DCAF8L2: variants seen among roughly 807,000 people sequenced by gnomAD.
DCAF8L2 encodes the protein DDB1- and CUL4-associated factor 8-like protein 2.
For synonymous variants in DCAF8L2, 200 were observed against 190.9 expected (o/e 1.05, Z -0.39); for missense variants, 430 against 490.7 (o/e 0.88, Z 1.17).
the DCAF8L2 span, among the ~76,000 whole-genome samples, chrX:27,555,479 G>A: frequency 8.9e-6 from 1 of 111,769 alleles, no homozygotes; most frequent in Non-Finnish European, 1.9e-5. Flanking sequence ...CAATGCATGG[G>A]TCTCATTCAA....
intron 2 of DCAF8L2, among the ~76,000 whole-genome samples, chrX:27,642,574 A>G (rs1928779236): frequency 9.0e-6 from 1 of 110,529 alleles, no homozygotes; most frequent in South Asian, 3.8e-4. Context: ...TTTCACTGCA[A>G]TTCTCTCTTT....
At chrX:27,576,664 C>CA in the DCAF8L2 span, among the ~76,000 whole-genome samples, 1 of 111,454 alleles carries the variant, frequency 9.0e-6, no homozygotes, top group Admixed American at 9.5e-5. Flanking sequence ...TAAGCCAGTG[C>CA]AAAAATATAG....
At chrX:27,706,265 T>A (rs772963787) in intron 3 of DCAF8L2, among the ~76,000 whole-genome samples, 15 of 111,253 alleles carry the variant, frequency 1.3e-4, no homozygotes, top group Admixed American at 3.9e-4. Context: ...TATTATTATT[T>A]TTGGCATAGT....
intron 4 of DCAF8L2, among the ~76,000 whole-genome samples, chrX:27,724,664 CT>C (rs1389202325): frequency 1.8e-5 from 2 of 111,197 alleles, no homozygotes; most frequent in Non-Finnish European, 3.8e-5. Context: ...TTTGTCAATT[CT>C]TTTTTTAAAA....
chrX:27,598,437 A>G (rs1926464748), intron 1 of DCAF8L2, among the ~76,000 whole-genome samples: 1 of 112,285 alleles, frequency 8.9e-6, no homozygotes, highest in Non-Finnish European at 1.9e-5. Flanking sequence ...AGGCTTATCT[A>G]TGTTCCATTG....
chrX:27,559,475 C>T, the DCAF8L2 span, among the ~76,000 whole-genome samples: 1 of 111,835 alleles, frequency 8.9e-6, no homozygotes, highest in East Asian at 2.8e-4. Flanking sequence ...GCTTGTGGCC[C>T]GTGAGAGGTA....
intron 4 of DCAF8L2, among the ~76,000 whole-genome samples, chrX:27,729,538 C>T (rs183846584): frequency 6.7e-4 from 75 of 111,864 alleles, no homozygotes; most frequent in African/African-American, 2.4e-3. Context: ...TTATAAACAA[C>T]AGAAATTTAT....
At chrX:27,704,601 G>A in intron 3 of DCAF8L2, among the ~76,000 whole-genome samples, 1 of 109,873 alleles carries the variant, frequency 9.1e-6, no homozygotes, top group Admixed American at 9.8e-5. Context: ...TACAGCATAA[G>A]GATTATAGTT....
chrX:27,497,252 T>C, the DCAF8L2 span, among the ~76,000 whole-genome samples: 1 of 112,236 alleles, frequency 8.9e-6, no homozygotes, highest in Admixed American at 9.4e-5. Context: ...TGTAACAATG[T>C]TGGTTTCCTA....
At chrX:27,489,070 A>G in the DCAF8L2 span, among the ~76,000 whole-genome samples, 1 of 111,166 alleles carries the variant, frequency 9.0e-6, no homozygotes, top group African/African-American at 3.3e-5. Context: ...TATATTGTCA[A>G]TTTCTGCAAA....
intron 3 of DCAF8L2, among the ~76,000 whole-genome samples, chrX:27,703,494 A>G (rs1931208104): frequency 8.9e-6 from 1 of 111,964 alleles, no homozygotes; most frequent in Non-Finnish European, 1.9e-5. Flanking sequence ...AATTAATTGA[A>G]TAGAACTGAG....
chrX:27,519,529 AAAG>A, the DCAF8L2 span: 3 of 807,660 alleles, frequency 3.7e-6, no homozygotes, highest in South Asian at 6.2e-5. Flanking sequence ...GGAAAAGACC[AAAG>A]AAGAGTTAAA....
At chrX:27,696,268 GAGAAAGAAAGAAAGAAAGAAAGAAAGAA>G (rs565370286) in intron 3 of DCAF8L2, among the ~76,000 whole-genome samples, 5 of 74,854 alleles carry the variant, frequency 6.7e-5, no homozygotes, top group South Asian at 1.7e-3. Context: ...AAGAGAGAGA[GAGAAAGAAAGAAAGAAAGAAAGAAAGAA>G]AGAAAGAAAG....
At chrX:27,683,098 A>G (rs1247557530) in intron 3 of DCAF8L2, among the ~76,000 whole-genome samples, 2 of 111,740 alleles carry the variant, frequency 1.8e-5, no homozygotes, top group South Asian at 3.7e-4. Flanking sequence ...GTACTTCTAT[A>G]AAGTTTTGTC....
chrX:27,675,252 C>A (rs992211030), intron 2 of DCAF8L2, among the ~76,000 whole-genome samples: 21 of 111,352 alleles, frequency 1.9e-4, no homozygotes, highest in African/African-American at 6.9e-4. Context: ...GATAACATGT[C>A]CCTTTTTGTC....
the DCAF8L2 span, among the ~76,000 whole-genome samples, chrX:27,507,673 G>C: frequency 9.0e-6 from 1 of 111,261 alleles, no homozygotes; most frequent in Non-Finnish European, 1.9e-5. Flanking sequence ...TGTGAAATGG[G>C]ATAATAACAG....
chrX:27,551,910 A>G, the DCAF8L2 span, among the ~76,000 whole-genome samples: 1 of 111,945 alleles, frequency 8.9e-6, no homozygotes, highest in African/African-American at 3.2e-5. Flanking sequence ...AAATCTCCGT[A>G]TTGTTTTCTA....
chrX:27,509,837 G>A, the DCAF8L2 span, among the ~76,000 whole-genome samples: 1 of 111,516 alleles, frequency 9.0e-6, no homozygotes, highest in African/African-American at 3.2e-5. Flanking sequence ...AAGTGAATAT[G>A]TGTATAATGG....
chrX:27,682,778 A>G (rs1384143034), intron 3 of DCAF8L2, among the ~76,000 whole-genome samples: 1 of 104,655 alleles, frequency 9.6e-6, no homozygotes, highest in Non-Finnish European at 1.9e-5. Context: ...TGTATTTCTC[A>G]AGAAAAAAAA....
Sources: allele counts gnomAD v4.1 joint callset (sites outside exome capture counted in the v4.1 genomes callset), GRCh38; gene constraint gnomAD v4.1.1; transcripts MANE v1.5; gene names NCBI Gene and HGNC (gene_info 2026-07-23, HGNC 2026-07-21).